Variants in KHDRBS2 observed in about 807,000 individuals in gnomAD.
KHDRBS2 encodes the protein KH RNA binding domain containing, signal transduction associated 2.
A neutral mutation model predicts 44.3 loss-of-function variants in KHDRBS2; 26 were observed. The ratio of observed to expected loss-of-function variants is 0.59; its 90% CI spans 0.43 to 0.81. The LOEUF (loss-of-function observed/expected upper bound fraction) is 0.81, where lower values mean the gene tolerates loss of function less well. Among genes scored for constraint, KHDRBS2 ranks in the 40% least tolerant of loss-of-function variants. The pLI is 0.00. For synonymous variants in KHDRBS2, 194 were observed against 151.1 expected (o/e 1.28, Z -2.08); for missense variants, 476 against 433.1 (o/e 1.10, Z -0.88).
intron 6 of KHDRBS2, among the ~76,000 whole-genome samples, chr6:61,795,665 A>C (rs1785239234): frequency 6.6e-6 from 1 of 152,146 alleles, no homozygotes; most frequent in Non-Finnish European, 1.5e-5. Flanking sequence ...TTATGTGAGT[A>C]TGCCTGCTCC....
intron 2 of KHDRBS2, among the ~76,000 whole-genome samples, chr6:62,098,310 A>C (rs1412388207): frequency 6.7e-6 from 1 of 150,128 alleles, no homozygotes; most frequent in Non-Finnish European, 1.5e-5. Flanking sequence ...TCTTTTTAGA[A>C]TTTCTTATAA....
the KHDRBS2 span, among the ~76,000 whole-genome samples, chr6:61,601,744 G>C: frequency 7.6e-4 from 116 of 151,818 alleles, no homozygotes; most frequent in Non-Finnish European, 1.4e-3. Context: ...TCCCCAGGCT[G>C]TTCCTAGCCA....
chr6:62,256,864 T>G (rs1837472636), intron 1 of KHDRBS2, among the ~76,000 whole-genome samples: 1 of 152,046 alleles, frequency 6.6e-6, no homozygotes, highest in African/African-American at 2.4e-5. Flanking sequence ...GTTACCTATA[T>G]TCCTTAATCC....
chr6:61,875,510 T>C (rs540805225), intron 6 of KHDRBS2, among the ~76,000 whole-genome samples: 3 of 152,230 alleles, frequency 2.0e-5, no homozygotes, highest in African/African-American at 7.2e-5. Context: ...CAACCTACAC[T>C]GTCAGGACTG....
chr6:61,694,766 G>GGAAATTATATAAGGAAC (rs1318489822), intron 8 of KHDRBS2, among the ~76,000 whole-genome samples: 95 of 152,122 alleles, frequency 6.2e-4, no homozygotes, highest in African/African-American at 2.1e-3. Context: ...TCCAATGAGT[G>GGAAATTATATAAGGAAC]GAAATTATAT....
chr6:61,793,449 G>A (rs1159753599), intron 6 of KHDRBS2, among the ~76,000 whole-genome samples: 2 of 151,888 alleles, frequency 1.3e-5, no homozygotes, highest in Non-Finnish European at 1.5e-5. Flanking sequence ...TGTAGATGCA[G>A]TAAAAGAATA....
intron 3 of KHDRBS2, among the ~76,000 whole-genome samples, chr6:62,023,134 A>G (rs1782645452): frequency 6.6e-6 from 1 of 151,896 alleles, no homozygotes. Context: ...AGGTCAAAGT[A>G]AGATTAAGAT....
the KHDRBS2 span, among the ~76,000 whole-genome samples, chr6:61,550,216 G>T: frequency 2.0e-5 from 3 of 152,040 alleles, no homozygotes; most frequent in Non-Finnish European, 2.9e-5. Flanking sequence ...TCCACCGTCA[G>T]GTCCCAGTGT....
chr6:61,782,783 G>T (rs982956464), intron 6 of KHDRBS2, among the ~76,000 whole-genome samples: 2 of 147,318 alleles, frequency 1.4e-5, no homozygotes, highest in East Asian at 4.0e-4. Context: ...GTCTGTATGT[G>T]TATATATGGT....
intron 2 of KHDRBS2, among the ~76,000 whole-genome samples, chr6:62,077,708 G>A (rs1245518468): frequency 6.6e-6 from 1 of 152,000 alleles, no homozygotes; most frequent in Non-Finnish European, 1.5e-5. Context: ...CTGAATGAGG[G>A]CTTGATTATA....
chr6:61,713,908 G>A (rs183384640), intron 7 of KHDRBS2, among the ~76,000 whole-genome samples: 1 of 151,860 alleles, frequency 6.6e-6, no homozygotes, highest in Admixed American at 6.6e-5. Context: ...ATGTATTAAA[G>A]TCTTAAATGT....
At chr6:62,172,324 C>CA (rs796638714) in intron 2 of KHDRBS2, among the ~76,000 whole-genome samples, 67 of 152,038 alleles carry the variant, frequency 4.4e-4, no homozygotes, top group African/African-American at 1.5e-3. Flanking sequence ...AAACAAAAAT[C>CA]AAAAGAGAAA....
chr6:62,095,558 T>G (rs1800405684), intron 2 of KHDRBS2, among the ~76,000 whole-genome samples: 1 of 151,872 alleles, frequency 6.6e-6, no homozygotes, highest in Non-Finnish European at 1.5e-5. Flanking sequence ...TATGTAAGTA[T>G]TCTTCATGAT....
intron 2 of KHDRBS2, among the ~76,000 whole-genome samples, chr6:62,072,713 C>G (rs1490238363): frequency 6.6e-6 from 1 of 152,058 alleles, no homozygotes; most frequent in Non-Finnish European, 1.5e-5. Flanking sequence ...GGTGGATAAG[C>G]TTTTTGATGT....
At chr6:62,003,502 C>A (rs568689835) in intron 3 of KHDRBS2, among the ~76,000 whole-genome samples, 1 of 152,076 alleles carries the variant, frequency 6.6e-6, no homozygotes, top group East Asian at 1.9e-4. Flanking sequence ...TATAGGAGCA[C>A]CCAGATTCAT....
At chr6:61,678,920 C>T (rs550116544), downstream of KHDRBS2, 1 of 151,770 alleles carries the variant, frequency 6.6e-6, no homozygotes, top group African/African-American at 2.4e-5. Flanking sequence ...ATCGGTTATT[C>T]AATTATGTGT....
At chr6:61,548,138 T>A in the KHDRBS2 span, among the ~76,000 whole-genome samples, 2 of 152,124 alleles carry the variant, frequency 1.3e-5, no homozygotes, top group Non-Finnish European at 2.9e-5. Context: ...AGAAAATCTG[T>A]TTTAAAGAAA....
chr6:61,590,523 T>C, the KHDRBS2 span, among the ~76,000 whole-genome samples: 1 of 152,322 alleles, frequency 6.6e-6, no homozygotes, highest in South Asian at 2.1e-4. Flanking sequence ...TCAAACATGA[T>C]ATATATAACA....
chr6:61,778,625 A>G (rs1321372168), intron 6 of KHDRBS2, among the ~76,000 whole-genome samples: 2 of 152,146 alleles, frequency 1.3e-5, no homozygotes, highest in Admixed American at 6.6e-5. Context: ...AAGTTACACA[A>G]AGCACAGATG....
Sources: allele counts gnomAD v4.1 joint callset (sites outside exome capture counted in the v4.1 genomes callset), GRCh38; gene constraint gnomAD v4.1.1; transcripts MANE v1.5; gene names NCBI Gene and HGNC (gene_info 2026-07-23, HGNC 2026-07-21).